The following TRDN variants were observed in gnomAD, a reference collection of about 807,000 sequenced individuals.
TRDN encodes triadin, also known as triadin in skeletal muscle.
TRDN carries 161 observed loss-of-function variants against 149.7 expected under a neutral mutation model. The observed-to-expected ratio is 1.08, with a 90% CI of 0.95 to 1.23. The LOEUF (loss-of-function observed/expected upper bound fraction) is 1.23, where lower values mean the gene tolerates loss of function less well. TRDN is among the 50% of genes most tolerant of loss of function. The probability of loss-of-function intolerance (pLI) is 0.00; values close to 1 mark genes in which losing one functional copy is unlikely to be tolerated. For synonymous variants in TRDN, 294 were observed against 250.5 expected (o/e 1.17, Z -1.64); for missense variants, 896 against 823.5 (o/e 1.09, Z -1.08).
intron 4 of TRDN, among the ~76,000 whole-genome samples, chr6:123,543,860 C>T (rs1354185163): frequency 6.6e-6 from 1 of 151,924 alleles, no homozygotes; most frequent in Non-Finnish European, 1.5e-5. Context: ...TCTCTTTTCT[C>T]TTTGAATTCA....
chr6:123,370,221 TAC>T (rs1781271588), intron 19 of TRDN, among the ~76,000 whole-genome samples: 1 of 152,156 alleles, frequency 6.6e-6, no homozygotes, highest in South Asian at 2.1e-4. Flanking sequence ...ATCTCAAAGT[TAC>T]AGTTGTTCTA....
chr6:123,324,340 GT>G (rs1478984800), intron 23 of TRDN, among the ~76,000 whole-genome samples: 3 of 151,988 alleles, frequency 2.0e-5, no homozygotes, highest in Non-Finnish European at 4.4e-5. Flanking sequence ...CAGAAGCCAG[GT>G]GTGTGGTGCA....
chr6:123,492,426 G>A (rs908241497), intron 9 of TRDN, among the ~76,000 whole-genome samples: 3 of 152,088 alleles, frequency 2.0e-5, no homozygotes, highest in Non-Finnish European at 4.4e-5. Context: ...AATATAAAGA[G>A]GTCTGTGAAC....
intron 12 of TRDN, among the ~76,000 whole-genome samples, chr6:123,415,324 T>C (rs1326106785): frequency 6.6e-6 from 1 of 152,254 alleles, no homozygotes; most frequent in Non-Finnish European, 1.5e-5. Flanking sequence ...ATGTATTGGA[T>C]ACTTGTAATA....
intron 2 of TRDN, among the ~76,000 whole-genome samples, chr6:123,550,377 G>C (rs1781323746): frequency 6.6e-6 from 1 of 151,998 alleles, no homozygotes; most frequent in Admixed American, 6.6e-5. Context: ...TTTTGAGGAG[G>C]ACAGAGTGAT....
intron 2 of TRDN, among the ~76,000 whole-genome samples, chr6:123,551,846 C>A (rs919433354): frequency 2.0e-5 from 3 of 151,954 alleles, no homozygotes; most frequent in African/African-American, 7.2e-5. Context: ...AACATAAATT[C>A]ACAATTGATT....
chr6:123,322,468 T>C (rs957784049), intron 23 of TRDN, among the ~76,000 whole-genome samples: 3 of 152,040 alleles, frequency 2.0e-5, no homozygotes, highest in Non-Finnish European at 2.9e-5. Flanking sequence ...TTAGACTAAA[T>C]GATTTAACAA....
rs555743182 is a variant in TRDN at position 123,217,279 on chromosome 6, G to A, written c.*1322C>T. The A allele has an allele frequency of 3.3e-5, 5 of 152,080 alleles. No individual in the cohort carries two copies. Among genetic ancestry groups the A allele is most frequent in the South Asian group, 2.1e-4 (1 of 4,824 alleles). The allele number at this position is 152,080 out of a possible 1,614,324, so 9.4% of individuals were successfully genotyped here. On this transcript the variant is annotated 3_prime_UTR_variant, in exon 41 of 41. Coordinates refer to ENST00000334268, the MANE Select transcript of TRDN (RefSeq NM_006073.4). ...TTTTATATCTTGGTCCTAAAGAACCGTAGTTAGTGGCAATCCTTGAAAATA... is the reference window on the plus strand; with the variant it reads ...TTTTATATCTTGGTCCTAAAGAACCATAGTTAGTGGCAATCCTTGAAAATA...
At chr6:123,634,260 G>A (rs560130625) in intron 1 of TRDN, among the ~76,000 whole-genome samples, 71 of 151,460 alleles carry the variant, frequency 4.7e-4, no homozygotes, top group African/African-American at 1.7e-3. Flanking sequence ...TAAGGAGGTC[G>A]TGTCTTTACA....
intron 18 of TRDN, among the ~76,000 whole-genome samples, chr6:123,376,058 G>A (rs909920403): frequency 6.6e-6 from 1 of 152,050 alleles, no homozygotes; most frequent in African/African-American, 2.4e-5. Context: ...CTGCTAAGTT[G>A]CTGCATTGTA....
intron 21 of TRDN, among the ~76,000 whole-genome samples, chr6:123,346,784 G>A (rs555681322): frequency 6.6e-6 from 1 of 152,030 alleles, no homozygotes; most frequent in South Asian, 2.1e-4. Context: ...AGATTGTGTG[G>A]AGTTCGAACT....
intron 38 of TRDN, among the ~76,000 whole-genome samples, chr6:123,227,749 G>T (rs5003435): frequency 0.49 from 73,217 of 150,382 alleles, 18,178 homozygotes; most frequent in Admixed American, 0.57. Flanking sequence ...TTGTTTGTTT[G>T]TTTTTGTTTG....
chr6:123,615,649 C>T (rs545484326), intron 1 of TRDN, among the ~76,000 whole-genome samples: 1 of 152,050 alleles, frequency 6.6e-6, no homozygotes, highest in Admixed American at 6.6e-5. Flanking sequence ...AGGCTAGACA[C>T]AAAAAGACAA....
intron 12 of TRDN, among the ~76,000 whole-genome samples, chr6:123,428,873 T>C (rs1475772541): frequency 6.6e-6 from 1 of 152,186 alleles, no homozygotes; most frequent in Non-Finnish European, 1.5e-5. Flanking sequence ...GATCTATGTC[T>C]ATTACACTGA....
At chr6:123,587,266 G>A (rs1783543707) in intron 1 of TRDN, among the ~76,000 whole-genome samples, 1 of 152,140 alleles carries the variant, frequency 6.6e-6, no homozygotes, top group Non-Finnish European at 1.5e-5. Context: ...AAACACCAAG[G>A]GAAGGCTGCC....
chr6:123,633,618 AT>A (rs1583355209), intron 1 of TRDN, among the ~76,000 whole-genome samples: 1 of 152,052 alleles, frequency 6.6e-6, no homozygotes, highest in East Asian at 1.9e-4. Flanking sequence ...TGCTGTTATA[AT>A]TATCTTTATT....
At chr6:123,564,445 A>G (rs1456181599) in intron 2 of TRDN, among the ~76,000 whole-genome samples, 1 of 152,176 alleles carries the variant, frequency 6.6e-6, no homozygotes, top group Non-Finnish European at 1.5e-5. Flanking sequence ...TTAAATTTGT[A>G]CTTTCTGACT....
chr6:123,523,138 G>T (rs1779771746), intron 5 of TRDN, among the ~76,000 whole-genome samples: 1 of 152,116 alleles, frequency 6.6e-6, no homozygotes, highest in Non-Finnish European at 1.5e-5. Flanking sequence ...AACAGCAGTG[G>T]GGACTTCTTA....
intron 9 of TRDN, among the ~76,000 whole-genome samples, chr6:123,477,800 A>G (rs542084132): frequency 0.019 from 2,915 of 151,958 alleles, 85 homozygotes; most frequent in African/African-American, 0.066. Context: ...TCAGTAAACT[A>G]TCGCAAGAAC....
Sources: gnomAD v4.1 joint callset for allele counts (sites outside exome capture counted in the v4.1 genomes callset) on GRCh38, gnomAD v4.1.1 for gene constraint, MANE v1.5 for transcripts, NCBI Gene and HGNC (gene_info 2026-07-23, HGNC 2026-07-21) for gene names.